The following SEPTIN3 variants were observed in gnomAD, a reference collection of about 807,000 sequenced individuals.
SEPTIN3 encodes the protein neuronal-specific septin-3.
In SEPTIN3, 15 loss-of-function variants were observed where a neutral mutation model predicts 45.1. The ratio of observed to expected loss-of-function variants is 0.33; its 90% confidence interval spans 0.22 to 0.51. The LOEUF is 0.51. Ranked by LOEUF, SEPTIN3 falls within the 20% of genes least tolerant of loss-of-function variation. SEPTIN3 has a pLI of 0.97. For missense variants in SEPTIN3, 289 were observed against 457.2 expected (o/e 0.63, Z 3.35); for synonymous variants, 148 against 164.8 (o/e 0.90, Z 0.78).
chr22:41,980,860 T>G (rs922421185), intron 2 of SEPTIN3, among the ~76,000 whole-genome samples: 2 of 152,062 alleles, frequency 1.3e-5, no homozygotes, highest in Non-Finnish European at 2.9e-5. Context: ...TCTCATCCCC[T>G]CCCCACTGGT....
At position 41,994,513 on chromosome 22, in the gene SEPTIN3, G is replaced by A; in HGVS notation, c.2412-108G>A. 2 of 1,564,236 alleles carry A rather than the reference G, an allele frequency of 1.3e-6. No individual in the cohort carries two copies. Among genetic ancestry groups the A allele is most frequent in the Non-Finnish European group, 1.7e-6 (2 of 1,146,962 alleles). On this transcript the variant is annotated intron_variant, in intron 10 of 11. Coordinates refer to ENST00000644076, the MANE Select transcript of SEPTIN3 (RefSeq NM_001363845.2). The surrounding 1 kb of genome is among the most constrained non-coding windows in gnomAD (Gnocchi z 4.2). Reference sequence around the variant, plus strand: ...TGCTGTAGAAGAATCCTTAGCTCCTGGGAGTGGTTCCCATTCACTGGGTCC... The same window carrying A: ...TGCTGTAGAAGAATCCTTAGCTCCTAGGAGTGGTTCCCATTCACTGGGTCC...
chr22:41,992,605 C>A, intron 8 of SEPTIN3, 59 bp from the exon 9 acceptor site: 1 of 1,146,414 alleles, frequency 8.7e-7, no homozygotes, highest in East Asian at 2.4e-5. Flanking sequence ...TCCTGAAAGT[C>A]CAGGTTGTTG....
chr22:41,992,983 G>T (rs555568074), intron 9 of SEPTIN3, among the ~76,000 whole-genome samples: 82 of 152,276 alleles, frequency 5.4e-4, no homozygotes, highest in Non-Finnish European at 1.1e-3. Context: ...CTGACTTAGC[G>T]CATCAAAGGA....
At position 41,994,532 on chromosome 22, in the gene SEPTIN3, T is replaced by G. The variant is rs1217417922; in HGVS notation, c.2412-89T>G. ...GCTCCTGGGAGTGGTTCCCATTCAC[T>G]GGGTCCAGTCCCTCGAAGTGATGTG... On this transcript the variant is annotated intron_variant, in intron 10 of 11. Transcript: ENST00000644076. This position sits in a 1 kb window ranked among gnomAD's most constrained non-coding sequence, Gnocchi z 4.2. 6.3e-6 allele frequency: 10 copies of G among 1,588,296 alleles called. No individual in the cohort carries two copies. The highest frequency in any genetic ancestry group is 1.3e-5 in the African/African-American group (1 of 74,450).
At chr22:41,977,205 C>T (rs2078042555) in intron 2 of SEPTIN3, 2 of 812,614 alleles carry the variant, frequency 2.5e-6, no homozygotes, top group South Asian at 1.8e-5. Flanking sequence ...TGCGCGGACA[C>T]ACGCACACAC....
chr22:41,980,129 CTTTTT>C (rs569424612), intron 2 of SEPTIN3, among the ~76,000 whole-genome samples: 30 of 103,404 alleles, frequency 2.9e-4, no homozygotes, highest in South Asian at 1.1e-3. Context: ...TGCTCAGTGC[CTTTTT>C]TTTTTTTTTT....
At position 41,971,555 on chromosome 22, in the gene SEPTIN3, A is replaced by C. The variant is rs1413837008; in HGVS notation, c.63A>C (p.Gly21=). 2.5e-6 allele frequency: 1 copy of C among 398,898 alleles called. No homozygotes were observed. Among genetic ancestry groups the C allele is most frequent in the African/African-American group, 2.1e-5 (1 of 48,544 alleles). 24.7% of individuals were successfully genotyped at this position (398,898 alleles called of 1,614,324 possible). The stretch of plus-strand genomic sequence containing the variant: ...AGTCGCATGGAGCTCCAGGCCCGGG[A>C]ACCTCCTTCTCCCATAGCCATGTGC... ...EMQSHGAPGP[G]TSFSHSHVLG... The change falls in exon 2 of 12, where the codon GGA becomes GGC. Residue 21 remains glycine, a synonymous_variant. Coordinates refer to ENST00000644076, the MANE Select transcript of SEPTIN3 (RefSeq NM_001363845.2).
At chr22:41,993,288 C>T (rs2078353662) in intron 9 of SEPTIN3, among the ~76,000 whole-genome samples, 1 of 152,010 alleles carries the variant, frequency 6.6e-6, no homozygotes, top group South Asian at 2.1e-4. Context: ...TTGTCCAAAG[C>T]ACATAACTTG....
rs1294295811 is a variant in SEPTIN3, at chr22:41,971,968, CA to C, written c.477del (p.Gly161AlafsTer13). The part of the protein sequence containing the change: ...SPGSPPVTLV[P>X]GGRVHSEGPG... Reference sequence around the variant, plus strand: ...GGCTCGCCACCTGTGACCCTAGTGCCAGGGGGCAGGGTCCACTCTGAGGGCC... The same window carrying C: ...GGCTCGCCACCTGTGACCCTAGTGCCGGGGGCAGGGTCCACTCTGAGGGCC... On this transcript the variant is annotated frameshift_variant, in exon 2 of 12. Coordinates refer to ENST00000644076, the MANE Select transcript of SEPTIN3 (RefSeq NM_001363845.2). LOFTEE classifies it high-confidence loss of function. The C allele has an allele frequency of 7.5e-6, 3 of 399,130 alleles. No homozygotes were observed. The highest frequency in any genetic ancestry group is 1.3e-5 in the Non-Finnish European group (3 of 226,124). The allele number at this position is 399,130 out of a possible 1,614,324, so 24.7% of individuals were successfully genotyped here.
At chr22:41,974,833 C>G (rs545434703) in intron 2 of SEPTIN3, among the ~76,000 whole-genome samples, 2 of 122,410 alleles carry the variant, frequency 1.6e-5, no homozygotes, top group African/African-American at 6.4e-5. Context: ...CCAGCCTGAG[C>G]GACAGAGCGA....
chr22:41,980,696 G>A (rs1024188819), intron 2 of SEPTIN3, among the ~76,000 whole-genome samples: 2 of 152,152 alleles, frequency 1.3e-5, no homozygotes, highest in African/African-American at 4.8e-5. Flanking sequence ...GATTTCTCCT[G>A]TGTATGAACA....
chr22:41,977,167 C>A, intron 2 of SEPTIN3: 2 of 1,312,330 alleles, frequency 1.5e-6, no homozygotes, highest in Non-Finnish European at 2.1e-6. Context: ...AGGGTTTCCG[C>A]GCCGAGGAGC....
rs1167650659 is a variant in SEPTIN3, at chr22:41,997,142, C to T, written c.*175C>T. On this transcript the variant is annotated 3_prime_UTR_variant, in exon 12 of 12. Coordinates refer to ENST00000644076, the MANE Select transcript of SEPTIN3 (RefSeq NM_001363845.2). ...CAGTTGCATCCTCCATTTATCCAAACCACTCCTCTCCTCCCAGTGGAGTGG... is the reference window on the plus strand; with the variant it reads ...CAGTTGCATCCTCCATTTATCCAAATCACTCCTCTCCTCCCAGTGGAGTGG... The T allele has an allele frequency of 8.3e-6, 10 of 1,203,740 alleles. No homozygotes were observed. Among genetic ancestry groups the T allele is most frequent in the Non-Finnish European group, 1.1e-5 (10 of 877,014 alleles). The allele number at this position is 1,203,740 out of a possible 1,614,324, so 74.6% of individuals were successfully genotyped here.
chr22:41,995,014 C>A, intron 11 of SEPTIN3: 1 of 1,261,170 alleles, frequency 7.9e-7, no homozygotes, highest in Non-Finnish European at 1.0e-6. Flanking sequence ...AAGTTTGGCT[C>A]CTCCATGCCT....
chr22:41,984,291 A>G (rs2078166915), intron 3 of SEPTIN3, among the ~76,000 whole-genome samples: 1 of 152,206 alleles, frequency 6.6e-6, no homozygotes, highest in Non-Finnish European at 1.5e-5. Flanking sequence ...CTTGTCCCCC[A>G]GCATGGTTCT....
intron 5 of SEPTIN3, 52 bp downstream of exon 5, chr22:41,987,339 C>T: frequency 6.8e-7 from 1 of 1,479,094 alleles, no homozygotes; most frequent in Non-Finnish European, 9.4e-7. Context: ...TGGGAAGATA[C>T]TTACTATGGT....
At chr22:41,975,134 T>TA (rs1282753716) in intron 2 of SEPTIN3, among the ~76,000 whole-genome samples, 2 of 152,080 alleles carry the variant, frequency 1.3e-5, no homozygotes, top group Non-Finnish European at 2.9e-5. Context: ...TGGAGCCTTG[T>TA]ATATATGGAA....
chr22:41,996,523 C>A, intron 11 of SEPTIN3: 1 of 1,013,130 alleles, frequency 9.9e-7, no homozygotes, highest in Non-Finnish European at 1.2e-6. Flanking sequence ...GAAAGGGGGG[C>A]GGTGATCAGG....
intron 1 of SEPTIN3, 36 bp downstream of exon 1, chr22:41,969,713 T>G (rs2146659278): frequency 1.1e-4 from 1 of 9,106 alleles, no homozygotes; most frequent in Non-Finnish European, 2.2e-4. Context: ...TGTGGGGGTT[T>G]GTGGGGGTGG....
Sources: gnomAD v4.1 joint callset for allele counts (sites outside exome capture counted in the v4.1 genomes callset) on GRCh38, gnomAD v4.1.1 for gene constraint, Gnocchi (gnomAD v3.1) non-coding constraint, MANE v1.5 for transcripts, NCBI Gene and HGNC (gene_info 2026-07-23, HGNC 2026-07-21) for gene names.